HGS: variants seen among roughly 807,000 people sequenced by gnomAD.
HGS encodes hepatocyte growth factor-regulated tyrosine kinase substrate.
HGS carries 63 observed loss-of-function variants against 109.7 expected under a neutral mutation model. That is an observed-to-expected ratio of 0.57 (90% CI 0.47 to 0.71). The LOEUF is 0.71. HGS is among the 30% of genes least tolerant of loss of function. The pLI is 0.00. For synonymous variants in HGS, 546 were observed against 437.3 expected, an observed-to-expected ratio of 1.25 and a Z score of -3.10; for missense variants, 995 against 1,068.3, an observed-to-expected ratio of 0.93 and a Z score of 0.96.
Position 81,694,742 on chromosome 17 carries a change from T to C in HGS, c.937-73T>C. ...CTCTGGTCTCCAGGATCTGTCGCAC[T>C]GGGGACATCCCTGTCCCTGCCGAAG... On this transcript the variant is annotated intron_variant, in intron 11 of 21. Transcript: ENST00000329138. 5 of 1,569,064 alleles carry C rather than the reference T, an allele frequency of 3.2e-6. No individual in the cohort carries two copies. In the South Asian group the frequency reaches 5.5e-5, roughly 17 times the overall value.
At position 81,700,547 on chromosome 17, in the gene HGS, A is replaced by G. The variant is rs1389748458; in HGVS notation, c.1963A>G (p.Thr655Ala). 3.7e-6 allele frequency: 6 copies of G among 1,610,326 alleles called. No homozygotes were observed. The highest frequency in any genetic ancestry group is 5.1e-6 in the Non-Finnish European group (6 of 1,178,486). The change falls in exon 19 of 22, where the codon ACC becomes GCC. Residue 655 changes from threonine (T) to alanine (A), a missense_variant. This residue lies in a region of HGS where 326 missense variants were observed against 309.7 expected (regional missense o/e 1.05). Coordinates refer to ENST00000329138, the MANE Select transcript of HGS (RefSeq NM_004712.5). ...QAAPQAQAGP[T>A]ASPAYSSYQP... ...GGCCCCCCAGGCCCAGGCCGGACCC[A>G]CCGCCAGCCCCGCTTACTCATCCTA...
intron 1 of HGS, chr17:81,684,871 C>T: frequency 1.0e-6 from 1 of 982,976 alleles, no homozygotes; most frequent in East Asian, 1.1e-4. Flanking sequence ...AGCAAGCAGA[C>T]TGAGTATCTC....
chr17:81,690,891 G>A (rs2037053594), intron 7 of HGS, 149 bp downstream of exon 7: 1 of 633,812 alleles, frequency 1.6e-6, no homozygotes, highest in African/African-American at 1.9e-5. Context: ...TGTGGCGTCA[G>A]GAGGGGGACA....
intron 2 of HGS, among the ~76,000 whole-genome samples, chr17:81,685,950 A>C (rs771211073): frequency 6.6e-6 from 1 of 151,996 alleles, no homozygotes; most frequent in Non-Finnish European, 1.5e-5. Context: ...TTTTTTTTTA[A>C]GACGGGGCCT....
At position 81,693,541 on chromosome 17, in the gene HGS, C is replaced by G. The variant is rs139674196; in HGVS notation, c.701C>G (p.Pro234Arg). 9.9e-6 allele frequency: 16 copies of G among 1,613,052 alleles called. No homozygotes were observed. Among genetic ancestry groups the G allele is most frequent in the South Asian group, 2.2e-5 (2 of 91,028 alleles). The change falls in exon 9 of 22, where the codon CCC becomes CGC. Residue 234 changes from proline to arginine, a missense_variant. Coordinates refer to ENST00000329138, the MANE Select transcript of HGS (RefSeq NM_004712.5). ...AAGGCCACTTCCACCACTGAGCTGCCCCCCGAGTACCTGACCAGCCCCCTG... is the reference window on the plus strand; with the variant it reads ...AAGGCCACTTCCACCACTGAGCTGCGCCCCGAGTACCTGACCAGCCCCCTG... ...EGKATSTTEL[P>R]PEYLTSPLSQ...
chr17:81,684,979 T>TA, intron 1 of HGS: 4 of 985,376 alleles, frequency 4.1e-6, no homozygotes, highest in Non-Finnish European at 4.8e-6. Flanking sequence ...AGATCGTTTC[T>TA]GTATCCGGGA....
chr17:81,693,917 C>T lies in HGS; in HGVS notation c.888C>T (p.Pro296=). 1 of 1,611,794 alleles carries T rather than the reference C, an allele frequency of 6.2e-7. No individual in the cohort carries two copies. Among genetic ancestry groups the T allele is most frequent in the Non-Finnish European group, 8.5e-7 (1 of 1,179,818 alleles). Residue 296 remains proline (P), a synonymous_variant, in exon 11 of 22, where the codon CCC becomes CCT. Coordinates refer to ENST00000329138, the MANE Select transcript of HGS (RefSeq NM_004712.5). ...YTSYPKAEPM[P]SASSAPPASS... is the part of the protein sequence containing the mutation. ...CGTACCCCAAGGCGGAGCCCATGCC[C>T]TCGGCCTCCTCAGCGCCCCCCGCCA...
Position 81,700,537 on chromosome 17 carries a change from G to A in HGS, c.1953G>A (p.Gln651=), listed in dbSNP as rs767817255. 3 of 1,610,746 alleles carry A rather than the reference G, an allele frequency of 1.9e-6. No individual in the cohort carries two copies. The highest frequency in any genetic ancestry group is 2.2e-5 in the South Asian group (2 of 90,738). The change falls in exon 19 of 22, where the codon CAG becomes CAA. Residue 651 remains glutamine (Q), a synonymous_variant. Coordinates refer to ENST00000329138, the MANE Select transcript of HGS (RefSeq NM_004712.5). ...ATGAQAAPQA[Q]AGPTASPAYS... ...GGGCGCAGGCGGCCCCCCAGGCCCAGGCCGGACCCACCGCCAGCCCCGCTT... is the reference window on the plus strand; with the variant it reads ...GGGCGCAGGCGGCCCCCCAGGCCCAAGCCGGACCCACCGCCAGCCCCGCTT...
At chr17:81,685,569 G>C in intron 1 of HGS, 36 bp from the exon 2 acceptor site, 1 of 1,546,548 alleles carries the variant, frequency 6.5e-7, no homozygotes, top group Non-Finnish European at 8.9e-7. Context: ...CGTCCAGCAG[G>C]ATAACCCCTC....
rs374583194 is a variant in HGS, at chr17:81,693,819, C to T, written c.841-51C>T. The T allele has an allele frequency of 6.5e-4, 1,009 of 1,560,024 alleles. 3 individuals carry two copies. Among genetic ancestry groups the T allele is most frequent in the Admixed American group, 2.0e-3 (110 of 54,376 alleles). On this transcript the variant is annotated intron_variant, in intron 10 of 21. Transcript: ENST00000329138. ...TCCCCTGGATGTGCTGCGGTGGGGC[C>T]GGAGGGGCGTCACGTGCACCCAAGT... is the stretch of plus-strand genomic sequence containing the variant.
Position 81,701,714 on chromosome 17 carries a change from GC to G in HGS, c.*98del. 4 of 1,470,212 alleles carry G rather than the reference GC, an allele frequency of 2.7e-6. No homozygotes were observed. The highest frequency in any genetic ancestry group is 3.6e-6 in the Non-Finnish European group (4 of 1,105,634). 91.1% of individuals were successfully genotyped at this position (1,470,212 alleles called of 1,614,324 possible). On this transcript the variant is annotated 3_prime_UTR_variant, in exon 22 of 22. Transcript: ENST00000329138. The stretch of plus-strand genomic sequence containing the variant: ...TCGTCCTGCCTCCCTGTCCTCTACT[GC>G]CGGTAGTGTCCCTTCTCTGCGAGTG...
Position 81,693,662 on chromosome 17 carries a change from C to A in HGS, c.750C>A (p.Pro250=), listed in dbSNP as rs945214394. The A allele has an allele frequency of 6.4e-7, 1 of 1,554,652 alleles. No homozygotes were observed. The highest frequency in any genetic ancestry group is 1.9e-5 in the Admixed American group (1 of 51,636). Residue 250 remains proline (P), a synonymous_variant, in exon 10 of 22, where the codon CCC becomes CCA. Coordinates refer to ENST00000329138, the MANE Select transcript of HGS (RefSeq NM_004712.5). ...TCCCCGCTTGTCCTCAGCTGCCCCC[C>A]AAGAGGGACGAGACGGCCCTGCAGG... ...SPLSQQSQLP[P]KRDETALQEE...
At chr17:81,687,813 C>T (rs1598744129) in intron 4 of HGS, among the ~76,000 whole-genome samples, 2 of 152,236 alleles carry the variant, frequency 1.3e-5, no homozygotes, top group East Asian at 1.9e-4. Flanking sequence ...ATAGGAGACT[C>T]CCTGGACTCA....
Position 81,696,860 on chromosome 17 carries a change from C to T in HGS, c.1744C>T (p.Gln582Ter). Reference protein sequence around the residue: ...AMPAAGGVLYQPSGPASFPST... With the variant: ...AMPAAGGVLY ...GCCCGCAGCCGGAGGTGTGCTCTAC[C>T]AGCCCTCGGGACCAGCCAGCTTCCC... Residue 582 changes from glutamine to a stop codon, truncating the protein, a stop_gained, in exon 18 of 22, where the codon CAG (glutamine) becomes TAG (stop). Coordinates refer to ENST00000329138, the MANE Select transcript of HGS (RefSeq NM_004712.5). LOFTEE classifies it high-confidence loss of function. 6.2e-7 allele frequency: 1 copy of T among 1,611,070 alleles called. No individual in the cohort carries two copies. The highest frequency in any genetic ancestry group is 8.5e-7 in the Non-Finnish European group (1 of 1,179,716).
Position 81,690,300 on chromosome 17 carries a change from G to C in HGS, c.468+66G>C, listed in dbSNP as rs1021517234. The C allele has an allele frequency of 3.3e-6, 5 of 1,526,070 alleles. No homozygotes were observed. The East Asian group carries it at 9.0e-5, about 28-fold the overall frequency. The allele number at this position is 1,526,070 out of a possible 1,614,324, so 94.5% of individuals were successfully genotyped here. A position where few individuals can be genotyped will look rare whatever the true frequency, so the allele number is the denominator to read the frequency against. On this transcript the variant is annotated intron_variant, in intron 6 of 21. Coordinates refer to ENST00000329138, the MANE Select transcript of HGS (RefSeq NM_004712.5). The stretch of plus-strand genomic sequence containing the variant: ...CTCAGGAAGCGTGAAGGGGAGTGCT[G>C]GGAGCCCGGCTTGTTTGAGGGTTGG...
rs144892098 is a variant in HGS, at chr17:81,693,959, A to C, written c.930A>C (p.Ser310=). 1.8e-4 allele frequency: 291 copies of C among 1,608,536 alleles called. No individual in the cohort carries two copies. In the African/African-American group the frequency reaches 3.3e-3, roughly 18 times the overall value. The change falls in exon 11 of 22, where the codon TCA becomes TCC. Residue 310 remains serine (S), a synonymous_variant. Coordinates refer to ENST00000329138, the MANE Select transcript of HGS (RefSeq NM_004712.5). ...CCCCCGCCAGCAGCCTGTACTCTTC[A>C]CCTGTGGTGAGCGGCCCTTGGGCTG... ...SAPPASSLYS[S]PVNSSAPLAE...
At chr17:81,701,333 GA>G in intron 21 of HGS, 174 bp from the exon 22 acceptor site, 1 of 843,200 alleles carries the variant, frequency 1.2e-6, no homozygotes, top group Non-Finnish European at 1.8e-6. Context: ...GTGTAGACAG[GA>G]AAAACCGTGA....
At chr17:81,684,131 C>G (rs1294747306) in intron 1 of HGS, 28 bp downstream of exon 1, 2 of 1,537,200 alleles carry the variant, frequency 1.3e-6, no homozygotes, top group Non-Finnish European at 1.7e-6. Context: ...GACGGCTCGG[C>G]CTTGGTCAGC....
intron 5 of HGS, among the ~76,000 whole-genome samples, chr17:81,689,108 C>G (rs2037026678): frequency 6.6e-6 from 1 of 152,218 alleles, no homozygotes; most frequent in Non-Finnish European, 1.5e-5. Context: ...TGGCAGGACT[C>G]CTGGGGGCCG....
Sources: allele counts gnomAD v4.1 joint callset (sites outside exome capture counted in the v4.1 genomes callset), GRCh38; gene constraint gnomAD v4.1.1; regional missense constraint gnomAD v4.1.1; transcripts MANE v1.5; gene names NCBI Gene and HGNC (gene_info 2026-07-23, HGNC 2026-07-21).